GPR158: variants seen among roughly 807,000 people sequenced by gnomAD.
The protein encoded by GPR158 is metabotropic glycine receptor.
A neutral mutation model predicts 78.2 loss-of-function variants in GPR158; 30 were observed. The ratio of observed to expected loss-of-function variants is 0.38; its 90% confidence interval spans 0.29 to 0.52. GPR158 has a LOEUF of 0.52. GPR158 is among the 20% of genes least tolerant of loss of function. GPR158 has a pLI of 0.83. For missense variants in GPR158, 1,463 were observed against 1,523.5 expected (o/e 0.96, Z 0.66); for synonymous variants, 581 against 591.1 (o/e 0.98, Z 0.25).
At chr10:25,326,056 T>G (rs1224914796) in intron 2 of GPR158, among the ~76,000 whole-genome samples, 1 of 152,218 alleles carries the variant, frequency 6.6e-6, no homozygotes, top group African/African-American at 2.4e-5. Flanking sequence ...TCCCATCACC[T>G]ACATAGTTAA....
chr10:25,351,439 T>G (rs1760715), intron 2 of GPR158, among the ~76,000 whole-genome samples: 85,575 of 148,164 alleles, frequency 0.58, 27,574 homozygotes, highest in Non-Finnish European at 0.75. Context: ...GGTGGGGGGG[T>G]GCTGGAAATG....
intron 5 of GPR158, among the ~76,000 whole-genome samples, chr10:25,485,850 T>C (rs977835839): frequency 6.6e-6 from 1 of 152,154 alleles, no homozygotes; most frequent in Non-Finnish European, 1.5e-5. Context: ...CTCCCAAAAT[T>C]CATGTTGAAA....
chr10:25,185,249 T>C (rs1852665807), intron 1 of GPR158, among the ~76,000 whole-genome samples: 1 of 152,352 alleles, frequency 6.6e-6, no homozygotes, highest in South Asian at 2.1e-4. Context: ...TACATATATC[T>C]GTGTGTGCAT....
At chr10:25,509,096 A>G (rs1216504716) in intron 5 of GPR158, among the ~76,000 whole-genome samples, 1 of 152,164 alleles carries the variant, frequency 6.6e-6, no homozygotes, top group Non-Finnish European at 1.5e-5. Context: ...TGTCCTGTGC[A>G]TGGTAGGATG....
Position 25,229,984 on chromosome 10 carries a change from T to C in GPR158, c.1008+8827T>C, listed in dbSNP as rs369410109. On this transcript the variant is annotated intron_variant, in intron 2 of 10. Coordinates refer to ENST00000376351, the MANE Select transcript of GPR158 (RefSeq NM_020752.3). ...TGATTGAATGGACTGATATGAACTT[T>C]CAGTGAAGGTTATGGTCGTTTGTTA... 9.8e-5 allele frequency among the ~76,000 whole-genome samples: 15 copies of C among 152,300 alleles called. No individual in the cohort carries two copies. The East Asian group carries it at 2.1e-3, about 22-fold the overall frequency.
chr10:25,264,437 A>G (rs1003058815), intron 2 of GPR158, among the ~76,000 whole-genome samples: 11 of 152,204 alleles, frequency 7.2e-5, no homozygotes, highest in East Asian at 5.8e-4. Flanking sequence ...CAGCTATCCC[A>G]GCTGAAATGC....
At chr10:25,298,381 T>G (rs931768624) in intron 2 of GPR158, among the ~76,000 whole-genome samples, 1 of 152,208 alleles carries the variant, frequency 6.6e-6, no homozygotes, top group Non-Finnish European at 1.5e-5. Context: ...TAAAGTTGTC[T>G]TATTGTTTTA....
At chr10:25,333,811 A>G (rs1183429640) in intron 2 of GPR158, among the ~76,000 whole-genome samples, 1 of 152,122 alleles carries the variant, frequency 6.6e-6, no homozygotes, top group African/African-American at 2.4e-5. Flanking sequence ...AACTATTTAA[A>G]TGTAGACGAT....
At chr10:25,334,153 A>G (rs1855165545) in intron 2 of GPR158, among the ~76,000 whole-genome samples, 1 of 152,160 alleles carries the variant, frequency 6.6e-6, no homozygotes, top group South Asian at 2.1e-4. Flanking sequence ...AATTTTTAAA[A>G]AGACAACAGG....
intron 2 of GPR158, among the ~76,000 whole-genome samples, chr10:25,341,920 C>A (rs1475495629): frequency 6.6e-6 from 1 of 151,908 alleles, no homozygotes; most frequent in East Asian, 1.9e-4. Context: ...CACCTCACCA[C>A]CTTGCCACTT....
At chr10:25,218,148 C>A (rs1405429546) in intron 1 of GPR158, among the ~76,000 whole-genome samples, 1 of 152,002 alleles carries the variant, frequency 6.6e-6, no homozygotes, top group African/African-American at 2.4e-5. Context: ...ACCTCCGCTT[C>A]CCCCCGACAG....
At chr10:25,572,989 T>C in intron 7 of GPR158, 102 bp downstream of exon 7, 1 of 733,948 alleles carries the variant, frequency 1.4e-6, no homozygotes, top group Admixed American at 2.0e-5. Context: ...AAGCCTAAAC[T>C]AATCTCACCT....
intron 2 of GPR158, among the ~76,000 whole-genome samples, chr10:25,241,364 T>C (rs886570594): frequency 0.013 from 1,319 of 102,504 alleles, 18 homozygotes; most frequent in African/African-American, 0.018. Context: ...TCTTTTCTCT[T>C]TTCTTTTCTC....
intron 2 of GPR158, among the ~76,000 whole-genome samples, chr10:25,351,153 C>T (rs1166884515): frequency 6.6e-6 from 1 of 151,962 alleles, no homozygotes; most frequent in Non-Finnish European, 1.5e-5. Flanking sequence ...AACATATAAA[C>T]TCTCAACCTT....
chr10:25,447,134 A>G lies in GPR158; in HGVS notation c.1336-19517A>G, dbSNP rs904169871. ...AATTCACTGAATGGCAAAATTGTTT[A>G]TACCTAAGGAGGACAGAATTTAACA... is the stretch of plus-strand genomic sequence containing the variant. On this transcript the variant is annotated intron_variant, in intron 4 of 10. Transcript: ENST00000376351. Among the ~76,000 whole-genome samples, 3 of 152,344 alleles carry G rather than the reference A, an allele frequency of 2.0e-5. No individual in the cohort carries two copies. The South Asian group carries it at 6.2e-4, about 32-fold the overall frequency.
intron 4 of GPR158, among the ~76,000 whole-genome samples, chr10:25,451,639 T>C (rs1835217866): frequency 6.6e-6 from 1 of 152,222 alleles, no homozygotes; most frequent in African/African-American, 2.4e-5. Flanking sequence ...CAGTGTGTAA[T>C]GTCAGTTCCA....
intron 5 of GPR158, among the ~76,000 whole-genome samples, chr10:25,503,821 A>C (rs1835974605): frequency 6.6e-6 from 1 of 151,708 alleles, no homozygotes. Flanking sequence ...TTAGTCACAT[A>C]ATATTTCATA....
rs59695469 is a variant in GPR158 at position 25,405,498 on chromosome 10, CTTTTTTTTT to C, written c.1112-6730_1112-6722del. 6.8e-3 allele frequency among the ~76,000 whole-genome samples: 310 copies of C among 45,530 alleles called. 1 individual carries two copies. The highest frequency in any genetic ancestry group is 0.022 in the African/African-American group (297 of 13,528). The allele number at this position is 45,530 out of a possible 152,430, so 29.9% of individuals were successfully genotyped here. ...AAAATCTGACAAGAGAAACAATTTCCTTTTTTTTTTTTTTTTTTTTTTTTTTTTTTGCTA... is the reference window on the plus strand; with the variant it reads ...AAAATCTGACAAGAGAAACAATTTCCTTTTTTTTTTTTTTTTTTTTTGCTA... On this transcript the variant is annotated intron_variant, in intron 3 of 10. Transcript: ENST00000376351.
At chr10:25,342,455 A>T (rs2130508052) in intron 2 of GPR158, among the ~76,000 whole-genome samples, 1 of 152,098 alleles carries the variant, frequency 6.6e-6, no homozygotes, top group East Asian at 1.9e-4. Flanking sequence ...GCATCTTTTC[A>T]ACTCTTATTT....
Sources: allele counts gnomAD v4.1 joint callset (sites outside exome capture counted in the v4.1 genomes callset), GRCh38; gene constraint gnomAD v4.1.1; transcripts MANE v1.5; gene names NCBI Gene and HGNC (gene_info 2026-07-23, HGNC 2026-07-21).